AHI1: variants seen among roughly 807,000 people sequenced by gnomAD.
AHI1 encodes the protein Abelson helper integration site 1, also known as jouberin.
A neutral mutation model predicts 149.3 loss-of-function variants in AHI1; 123 were observed. That is an observed-to-expected ratio of 0.82 (90% CI 0.71 to 0.96). AHI1 has a LOEUF of 0.96. AHI1 is among the 40% of genes least tolerant of loss of function. The pLI is 0.00. For missense variants in AHI1, 1,439 were observed against 1,422.7 expected (o/e 1.01, Z -0.18); for synonymous variants, 475 against 459.8 (o/e 1.03, Z -0.42).
intron 7 of AHI1, among the ~76,000 whole-genome samples, chr6:135,464,746 C>T (rs188397956): frequency 6.6e-6 from 1 of 152,174 alleles, no homozygotes; most frequent in Non-Finnish European, 1.5e-5. Context: ...CCAACAACCA[C>T]ATGAATGAGC....
chr6:135,433,437 TCA>T (rs1784939591), intron 15 of AHI1, among the ~76,000 whole-genome samples, 181 bp from the exon 16 acceptor site: 1 of 151,894 alleles, frequency 6.6e-6, no homozygotes, highest in East Asian at 1.9e-4. Context: ...ACTGGAATTT[TCA>T]CATGTGACAA....
chr6:135,376,116 G>C (rs1425454298), intron 23 of AHI1, among the ~76,000 whole-genome samples: 1 of 152,020 alleles, frequency 6.6e-6, no homozygotes, highest in African/African-American at 2.4e-5. Flanking sequence ...GGGGCGCAGT[G>C]GTGGGGGCAA....
chr6:135,381,582 C>T (rs575624860), intron 23 of AHI1, among the ~76,000 whole-genome samples: 1 of 152,154 alleles, frequency 6.6e-6, no homozygotes, highest in East Asian at 1.9e-4. Context: ...ATTCTGAGTT[C>T]TAAGCTATCA....
chr6:135,442,763 G>A (rs766725615), intron 13 of AHI1, 49 bp from the exon 14 acceptor site: 20 of 1,508,942 alleles, frequency 1.3e-5, no homozygotes, highest in Admixed American at 5.8e-5. Context: ...ATTAAAACGC[G>A]AAGGCTAGTT....
chr6:135,326,259 G>A (rs1048097790), intron 24 of AHI1, among the ~76,000 whole-genome samples: 2 of 152,056 alleles, frequency 1.3e-5, no homozygotes, highest in Admixed American at 1.3e-4. Context: ...AAATCATAGG[G>A]GTGGGGCCTG....
intron 20 of AHI1, among the ~76,000 whole-genome samples, chr6:135,414,799 T>A (rs1782105162): frequency 6.6e-6 from 1 of 151,888 alleles, no homozygotes; most frequent in Admixed American, 6.6e-5. Flanking sequence ...TTTTTTTAAA[T>A]TTTTTTATTT....
chr6:135,404,374 T>C lies in AHI1; in HGVS notation c.2988+577A>G, dbSNP rs114786178. ...AGAGCCTTTTTGTACACTACCATTT[T>C]TAGACTAACTTGGGACCTTGGGCAA... On this transcript the variant is annotated intron_variant, in intron 22 of 28. Coordinates refer to ENST00000265602, the MANE Select transcript of AHI1 (RefSeq NM_001134831.2). Among the ~76,000 whole-genome samples, 564 of 152,324 alleles carry C rather than the reference T, an allele frequency of 3.7e-3. 2 individuals carry two copies. Among genetic ancestry groups the C allele is most frequent in the African/African-American group, 0.013 (544 of 41,564 alleles).
At chr6:135,356,043 T>C (rs1183342641) in intron 24 of AHI1, among the ~76,000 whole-genome samples, 1 of 152,208 alleles carries the variant, frequency 6.6e-6, no homozygotes, top group Non-Finnish European at 1.5e-5. Context: ...TGGCAGTACT[T>C]GGAGCAAGGG....
chr6:135,392,031 T>C (rs1778584746), intron 23 of AHI1, among the ~76,000 whole-genome samples: 1 of 152,166 alleles, frequency 6.6e-6, no homozygotes, highest in Admixed American at 6.5e-5. Context: ...AAGAGTTCCA[T>C]TGGAACACAT....
rs1315150518 is a variant in AHI1, at chr6:135,417,334, A to ACATG, written c.2765-5794_2765-5791dup. The stretch of plus-strand genomic sequence containing the variant: ...ATTTCATTTTAATATGAGTGAGCGA[A>ACATG]CATGCATAGAAATGGCCCAGAAGCA... On this transcript the variant is annotated intron_variant, in intron 20 of 28. Coordinates refer to ENST00000265602, the MANE Select transcript of AHI1 (RefSeq NM_001134831.2). Among the ~76,000 whole-genome samples the ACATG allele has an allele frequency of 7.9e-5, 12 of 152,178 alleles. No homozygotes were observed. In the South Asian group the frequency reaches 2.3e-3, roughly 29 times the overall value.
chr6:135,382,503 TATATCACAG>T (rs1776904876), intron 23 of AHI1, among the ~76,000 whole-genome samples: 1 of 152,162 alleles, frequency 6.6e-6, no homozygotes, highest in South Asian at 2.1e-4. Flanking sequence ...TAAATTCTAT[TATATCACAG>T]ACTGTTCACT....
intron 23 of AHI1, chr6:135,387,921 CAGTT>C: frequency 3.7e-6 from 6 of 1,604,420 alleles, no homozygotes; most frequent in East Asian, 2.2e-5. Flanking sequence ...CCTAACAAAA[CAGTT>C]AGGAAGTGGT....
At position 135,427,149 on chromosome 6, in the gene AHI1, A is replaced by C; in HGVS notation, c.2764+18T>G. The C allele has an allele frequency of 6.2e-7, 1 of 1,605,154 alleles. No individual in the cohort carries two copies. Among genetic ancestry groups the C allele is most frequent in the Non-Finnish European group, 8.5e-7 (1 of 1,174,948 alleles). On this transcript the variant is annotated intron_variant, in intron 20 of 28. Coordinates refer to ENST00000265602, the MANE Select transcript of AHI1 (RefSeq NM_001134831.2). ...AGGTTACTCTAAAAATTCTTTACTT[A>C]TCAAGTGGTAGACTTACCATGGAAA...
chr6:135,493,300 A>G (rs1795510330), intron 3 of AHI1, among the ~76,000 whole-genome samples: 2 of 152,198 alleles, frequency 1.3e-5, no homozygotes, highest in African/African-American at 2.4e-5. Flanking sequence ...CACTGGGCCC[A>G]AGGCATTATT....
At chr6:135,396,414 C>T (rs532572081) in intron 22 of AHI1, among the ~76,000 whole-genome samples, 6 of 151,680 alleles carry the variant, frequency 4.0e-5, no homozygotes, top group East Asian at 1.9e-4. Context: ...TAATGATGAA[C>T]GGGTATCATA....
chr6:135,323,031 T>C (rs1787109129), intron 25 of AHI1, 131 bp downstream of exon 25: 2 of 967,590 alleles, frequency 2.1e-6, no homozygotes, highest in Non-Finnish European at 2.8e-6. Flanking sequence ...ATCATGAGAA[T>C]GAAAAACAAT....
intron 13 of AHI1, among the ~76,000 whole-genome samples, chr6:135,446,532 G>C (rs1178441413): frequency 6.6e-6 from 1 of 152,188 alleles, no homozygotes; most frequent in African/African-American, 2.4e-5. Context: ...ATTTGGTCCT[G>C]AGAGTGAGAA....
rs538477313 is a variant in AHI1, at chr6:135,321,527, A to T, written c.3328+1635T>A. ...ACCTGGCTGAAGACAAGGTCGTGGG[A>T]AGGTGCCAAAGACAGATAATTTTAT... On this transcript the variant is annotated intron_variant, in intron 25 of 28. Transcript: ENST00000265602. 7.4e-4 allele frequency among the ~76,000 whole-genome samples: 113 copies of T among 152,282 alleles called. 3 individuals carry two copies. In the South Asian group the frequency reaches 0.022, roughly 29 times the overall value.
chr6:135,384,165 A>AT (rs1777253790), intron 23 of AHI1, among the ~76,000 whole-genome samples: 1 of 152,240 alleles, frequency 6.6e-6, no homozygotes, highest in Non-Finnish European at 1.5e-5. Flanking sequence ...AGAAATATAG[A>AT]TTTTAACATA....
Sources: gnomAD v4.1 joint callset for allele counts (sites outside exome capture counted in the v4.1 genomes callset) on GRCh38, gnomAD v4.1.1 for gene constraint, MANE v1.5 for transcripts, NCBI Gene and HGNC (gene_info 2026-07-23, HGNC 2026-07-21) for gene names.